The following SHOC1 variants were observed in gnomAD, a reference collection of about 807,000 sequenced individuals.
The protein encoded by SHOC1 is protein shortage in chiasmata 1 ortholog.
A neutral mutation model predicts 179.2 loss-of-function variants in SHOC1; 136 were observed. The ratio of observed to expected loss-of-function variants is 0.76; its 90% CI spans 0.66 to 0.87. The LOEUF (loss-of-function observed/expected upper bound fraction) is 0.87, where lower values mean the gene tolerates loss of function less well. Ranked by LOEUF, SHOC1 falls within the 40% of genes least tolerant of loss-of-function variation. The pLI, the probability that SHOC1 is intolerant of heterozygous loss-of-function variation, is 0.00. For synonymous variants in SHOC1, 489 were observed against 586.6 expected, an observed-to-expected ratio of 0.83 and a Z score of 2.41; for missense variants, 1,538 against 1,700.8, an observed-to-expected ratio of 0.90 and a Z score of 1.68.
chr9:111,765,912 G>C (rs113040899), intron 5 of SHOC1, among the ~76,000 whole-genome samples: 28,665 of 151,954 alleles, frequency 0.19, 2,893 homozygotes, highest in Non-Finnish European at 0.22. Flanking sequence ...GGCCAGGCTG[G>C]TCTCATGATC....
chr9:111,769,986 G>GTTTTTTTTTTTTTTTTTT (rs769266659), intron 5 of SHOC1, among the ~76,000 whole-genome samples: 8 of 77,634 alleles, frequency 1.0e-4, no homozygotes, highest in South Asian at 4.9e-4. Flanking sequence ...TTTTTTTTTT[G>GTTTTTTTTTTTTTTTTTT]TTTTTTTTTT....
intron 8 of SHOC1, among the ~76,000 whole-genome samples, chr9:111,750,635 A>G (rs7850076): frequency 0.8 from 122,413 of 152,188 alleles, 49,411 homozygotes; most frequent in East Asian, 0.92. Flanking sequence ...GCACCTGGCC[A>G]TATGTCTTCT....
chr9:111,791,744 G>A (rs180942082), intron 1 of SHOC1, among the ~76,000 whole-genome samples: 28 of 152,180 alleles, frequency 1.8e-4, no homozygotes, highest in East Asian at 1.2e-3. Context: ...CAAGATTGCC[G>A]GAGTGGTGTA....
At chr9:111,767,729 C>A (rs1835409995) in intron 5 of SHOC1, among the ~76,000 whole-genome samples, 1 of 152,106 alleles carries the variant, frequency 6.6e-6, no homozygotes, top group South Asian at 2.1e-4. Flanking sequence ...TGGAGAATAT[C>A]ATTGGTATTT....
intron 11 of SHOC1, among the ~76,000 whole-genome samples, chr9:111,740,222 G>A (rs370259680): frequency 6.6e-6 from 1 of 152,042 alleles, no homozygotes; most frequent in East Asian, 1.9e-4. Flanking sequence ...TTATGTAGGG[G>A]TCCCCTATCA....
At chr9:111,690,686 C>T (rs1831385392) in intron 27 of SHOC1, among the ~76,000 whole-genome samples, 1 of 152,070 alleles carries the variant, frequency 6.6e-6, no homozygotes, top group East Asian at 1.9e-4. Flanking sequence ...CAAAACTAGA[C>T]ACAGAATACT....
chr9:111,741,719 C>T (rs932548293), intron 10 of SHOC1, 149 bp from the exon 11 acceptor site: 15 of 372,908 alleles, frequency 4.0e-5, no homozygotes, highest in African/African-American at 1.1e-4. Context: ...CTGCAACCTC[C>T]GCCCCAGATT....
At chr9:111,691,524 GTTT>G in intron 27 of SHOC1, 24 bp downstream of exon 27, 35 of 1,530,956 alleles carry the variant, frequency 2.3e-5, no homozygotes, top group Non-Finnish European at 2.9e-5. Context: ...TTTGAGAGTA[GTTT>G]TATCAACTAT....
At chr9:111,725,406 T>C (rs1179869996) in intron 13 of SHOC1, among the ~76,000 whole-genome samples, 1 of 152,118 alleles carries the variant, frequency 6.6e-6, no homozygotes, top group East Asian at 1.9e-4. Context: ...AGAATTTAGT[T>C]TGAGAGTCAA....
chr9:111,729,660 C>A (rs1406054511), intron 12 of SHOC1, among the ~76,000 whole-genome samples: 1 of 152,046 alleles, frequency 6.6e-6, no homozygotes, highest in Non-Finnish European at 1.5e-5. Flanking sequence ...TTGGGAAGGC[C>A]GAGGCAGGCG....
intron 12 of SHOC1, among the ~76,000 whole-genome samples, chr9:111,735,747 T>C (rs541646018): frequency 3.3e-5 from 5 of 152,204 alleles, no homozygotes; most frequent in Non-Finnish European, 7.3e-5. Flanking sequence ...TTCTAGATCT[T>C]TGAGGAATTG....
At chr9:111,711,547 T>C (rs1284296372) in intron 18 of SHOC1, among the ~76,000 whole-genome samples, 2 of 152,192 alleles carry the variant, frequency 1.3e-5, no homozygotes, top group Non-Finnish European at 2.9e-5. Context: ...CTCTTCAAAG[T>C]GTCTGCGAGC....
At chr9:111,697,403 C>T (rs965899775) in intron 24 of SHOC1, among the ~76,000 whole-genome samples, 22 of 152,124 alleles carry the variant, frequency 1.4e-4, no homozygotes, top group Non-Finnish European at 2.6e-4. Flanking sequence ...CAAGTGTTCT[C>T]ATTGTTCAAT....
intron 5 of SHOC1, among the ~76,000 whole-genome samples, chr9:111,766,769 G>A (rs193214473): frequency 9.5e-4 from 145 of 152,114 alleles, no homozygotes; most frequent in African/African-American, 2.7e-3. Flanking sequence ...CTGCCACCAC[G>A]CCTGGCTAAT....
At chr9:111,754,144 C>T (rs1017242841) in intron 8 of SHOC1, among the ~76,000 whole-genome samples, 16 of 152,086 alleles carry the variant, frequency 1.1e-4, no homozygotes, top group Non-Finnish European at 5.9e-5. Context: ...ATATGTTATA[C>T]ACCTGAAGTA....
intron 23 of SHOC1, 132 bp from the exon 24 acceptor site, chr9:111,700,179 T>C: frequency 4.1e-6 from 2 of 490,924 alleles, no homozygotes; most frequent in Non-Finnish European, 6.9e-6. Flanking sequence ...TGTGGCAAAT[T>C]TGTGGGGTTT....
rs780503832 is a variant in SHOC1 at position 111,714,528 on chromosome 9, C to T, written c.2332G>A (p.Gly778Arg). ...TTGTAGTTGGTTTCAGGCTTTTTCC[C>T]CCTAATAAACTGTACAATCTCCAGC... ...RQLEIVQFIRGKKPETNYKIQ... is the reference protein window; with the variant it reads ...RQLEIVQFIRRKKPETNYKIQ... The change falls in exon 17 of 28, where the codon GGG becomes AGG. Residue 778 changes from glycine (G) to arginine (R), a missense_variant. Transcript: ENST00000682961. 2 of 1,613,748 alleles carry T rather than the reference C, an allele frequency of 1.2e-6. No individual in the cohort carries two copies. Among genetic ancestry groups the T allele is most frequent in the Admixed American group, 1.7e-5 (1 of 59,966 alleles).
chr9:111,793,178 G>T (rs1266361479), intron 1 of SHOC1, among the ~76,000 whole-genome samples: 2 of 152,090 alleles, frequency 1.3e-5, no homozygotes, highest in African/African-American at 2.4e-5. Context: ...CACCGCGCCC[G>T]GCCTGTCACT....
intron 2 of SHOC1, among the ~76,000 whole-genome samples, chr9:111,790,842 A>G (rs1339033176): frequency 6.6e-6 from 1 of 152,202 alleles, no homozygotes; most frequent in Non-Finnish European, 1.5e-5. Context: ...CACCGTGCCC[A>G]GCCAAAAGTG....
Sources: gnomAD v4.1 joint callset for allele counts (sites outside exome capture counted in the v4.1 genomes callset) on GRCh38, gnomAD v4.1.1 for gene constraint, MANE v1.5 for transcripts, NCBI Gene and HGNC (gene_info 2026-07-23, HGNC 2026-07-21) for gene names.